The following VPS33A variants were observed in gnomAD, a reference collection of about 807,000 sequenced individuals.
The protein encoded by VPS33A is VPS33A core subunit of CORVET and HOPS complexes, also known as vacuolar protein sorting-associated protein 33A.
VPS33A carries 32 observed loss-of-function variants against 71.8 expected under a neutral mutation model. That is an observed-to-expected ratio of 0.45 (90% CI 0.34 to 0.60). The LOEUF (loss-of-function observed/expected upper bound fraction) is 0.60. VPS33A is among the 20% of genes least tolerant of loss of function. The pLI, the probability that VPS33A is intolerant of heterozygous loss-of-function variation, is 0.02. For synonymous variants in VPS33A, 311 were observed against 292.7 expected, an observed-to-expected ratio of 1.06 and a Z score of -0.64; for missense variants, 625 against 748.5, an observed-to-expected ratio of 0.84 and a Z score of 1.92.
At chr12:122,253,108 T>G (rs1954866496) in intron 4 of VPS33A, 1 of 151,708 alleles carries the variant, frequency 6.6e-6, no homozygotes, top group South Asian at 2.1e-4. Flanking sequence ...TGGGGAGCGT[T>G]TGGTTATTAT....
At position 122,259,588 on chromosome 12, in the gene VPS33A, G is replaced by C. The variant is rs1390911438; in HGVS notation, c.483+1673C>G. On this transcript the variant is annotated intron_variant, in intron 4 of 12. Coordinates refer to ENST00000267199, the MANE Select transcript of VPS33A (RefSeq NM_022916.6). ...ATAAAAACTTTTCACAATATTCACA[G>C]TATCGTGACAGCCAAAAAGTGGAAA... 1.3e-5 allele frequency among the ~76,000 whole-genome samples: 2 copies of C among 152,096 alleles called. 1 individual carries two copies. Among genetic ancestry groups the C allele is most frequent in the African/African-American group, 4.8e-5 (2 of 41,360 alleles).
Position 122,232,861 on chromosome 12 carries a change from G to A in VPS33A, c.1548C>T (p.Arg516=), listed in dbSNP as rs756527543. The part of the protein sequence containing the change: ...PGWRSIEEVL[R]ILPGPHFEER... Reference sequence around the variant, plus strand: ...CCTCAAAGTGGGGCCCTGGGAGGATGCGGAGGACCTCCTCGATGCTCCGCC... The same window carrying A: ...CCTCAAAGTGGGGCCCTGGGAGGATACGGAGGACCTCCTCGATGCTCCGCC... The change falls in exon 12 of 13, where the codon CGC becomes CGT. Residue 516 remains arginine (R), a synonymous_variant. Coordinates refer to ENST00000267199, the MANE Select transcript of VPS33A (RefSeq NM_022916.6). 46 of 1,614,076 alleles carry A rather than the reference G, an allele frequency of 2.8e-5. No individual in the cohort carries two copies. Among genetic ancestry groups the A allele is most frequent in the Non-Finnish European group, 3.9e-5 (46 of 1,180,038 alleles).
In VPS33A at chr12:122,239,894, C is replaced by T. The variant is rs1419557300; in HGVS notation, c.1148G>A (p.Gly383Glu). The T allele has an allele frequency of 1.2e-5, 20 of 1,612,712 alleles. No individual in the cohort carries two copies. The highest frequency in any genetic ancestry group is 1.7e-5 in the Non-Finnish European group (20 of 1,179,554). ...KLTVEQEFMS[G>E]IDTDKVNNYI... is the part of the protein sequence containing the mutation. ...TCCACATACCTTATCAGTGTCTATT[C>T]CAGACATAAACTCCTGTTCCACGGT... The change falls in exon 9 of 13, where the codon GGA becomes GAA. Residue 383 changes from glycine (G) to glutamate (E), a missense_variant. Physicochemically the swap from Gly to Glu is moderately conservative, Grantham distance 98. Transcript: ENST00000267199.
chr12:122,254,081 T>C (rs1180589062), intron 4 of VPS33A, among the ~76,000 whole-genome samples: 1 of 152,180 alleles, frequency 6.6e-6, no homozygotes, highest in Non-Finnish European at 1.5e-5. Flanking sequence ...GCAGGTTTTA[T>C]ATATGCTGAT....
At chr12:122,233,492 T>C (rs929714949) in intron 11 of VPS33A, among the ~76,000 whole-genome samples, 1 of 152,068 alleles carries the variant, frequency 6.6e-6, no homozygotes, top group African/African-American at 2.4e-5. Flanking sequence ...TCCCAAAGTG[T>C]TGGGATTACA....
At position 122,251,035 on chromosome 12, in the gene VPS33A, T is replaced by A; in HGVS notation, c.548A>T (p.Gln183Leu). Residue 183 changes from glutamine (Q) to leucine (L), a missense_variant, in exon 5 of 13, where the codon CAA becomes CTA. By Grantham distance (113) the Gln-to-Leu change is moderately radical. Transcript: ENST00000267199. ...YHAAKGLMTL[Q>L]ALYGTIPQIF... ...CTGGGGGATCGTTCCATACAGAGCT[T>A]GCAGGGTCATCAGCCCCTTGGCTGC... 1.9e-6 allele frequency: 3 copies of A among 1,614,174 alleles called. No individual in the cohort carries two copies. The highest frequency in any genetic ancestry group is 2.5e-6 in the Non-Finnish European group (3 of 1,180,026).
chr12:122,254,877 C>T (rs1215036147), intron 4 of VPS33A, among the ~76,000 whole-genome samples: 1 of 151,782 alleles, frequency 6.6e-6, no homozygotes, highest in Non-Finnish European at 1.5e-5. Flanking sequence ...ATGGTGAAAC[C>T]CTGTCTCTAC....
At chr12:122,232,650 G>A (rs59424497) in intron 12 of VPS33A, 150 bp downstream of exon 12, 10 of 1,107,138 alleles carry the variant, frequency 9.0e-6, no homozygotes, top group East Asian at 5.1e-5. Context: ...AATCCGATTC[G>A]AGTTCTTACT....
rs771631071 is a variant in VPS33A, at chr12:122,266,365, A to C, written c.44T>G (p.Leu15Trp). 4.3e-6 allele frequency: 7 copies of C among 1,613,564 alleles called. No homozygotes were observed. The highest frequency in any genetic ancestry group is 8.5e-7 in the Non-Finnish European group (1 of 1,179,972). Residue 15 changes from leucine to tryptophan, a missense_variant, in exon 1 of 13, where the codon TTG becomes TGG. Transcript: ENST00000267199. ...CAGCTCGCGACGCACCGCCTCGCGCAACACGTTTAGGTTCACTCGGCCGTA... is the reference window on the plus strand; with the variant it reads ...CAGCTCGCGACGCACCGCCTCGCGCCACACGTTTAGGTTCACTCGGCCGTA... ...LSYGRVNLNV[L>W]REAVRRELRE...
intron 8 of VPS33A, chr12:122,241,128 C>G (rs1009286155): frequency 6.1e-5 from 9 of 146,496 alleles, no homozygotes; most frequent in Non-Finnish European, 1.2e-4. Flanking sequence ...GAGTGAAACT[C>G]CGTCTCAAAA....
rs116744755 is a variant in VPS33A at position 122,245,415 on chromosome 12, T to C, written c.776-653A>G. 4.4e-3 allele frequency among the ~76,000 whole-genome samples: 669 copies of C among 151,900 alleles called. 4 individuals are homozygous for C. Among genetic ancestry groups the C allele is most frequent in the African/African-American group, 0.015 (604 of 41,460 alleles). On this transcript the variant is annotated intron_variant, in intron 6 of 12. Transcript: ENST00000267199. Reference sequence around the variant, plus strand: ...CTAGAACAAGAATTAGAAACTACGGTCTGAGGACCAAACTCTGTTCACGTT... The same window carrying C: ...CTAGAACAAGAATTAGAAACTACGGCCTGAGGACCAAACTCTGTTCACGTT...
Position 122,230,635 on chromosome 12 carries a change from A to C in VPS33A, c.*1611T>G, listed in dbSNP as rs1342964952. On this transcript the variant is annotated 3_prime_UTR_variant, in exon 13 of 13. Transcript: ENST00000267199. The stretch of plus-strand genomic sequence containing the variant: ...CTCCACTAATGAAAAAGGTGGGGAA[A>C]AACAATGTGTGGTTACTAATCAACA... 3 of 152,256 alleles carry C rather than the reference A, an allele frequency of 2.0e-5. No individual in the cohort carries two copies. The highest frequency in any genetic ancestry group is 4.4e-5 in the Non-Finnish European group (3 of 68,072). The allele number at this position is 152,256 out of a possible 1,614,324, so 9.4% of individuals were successfully genotyped here.
intron 3 of VPS33A, 24 bp from the exon 4 acceptor site, chr12:122,261,471 A>G (rs1410763422): frequency 6.2e-7 from 1 of 1,611,010 alleles, no homozygotes; most frequent in Non-Finnish European, 8.5e-7. Flanking sequence ...AACATTTGTT[A>G]GCTTATGAGC....
intron 8 of VPS33A, among the ~76,000 whole-genome samples, chr12:122,241,969 G>A (rs955487669): frequency 2.6e-5 from 4 of 151,994 alleles, no homozygotes; most frequent in Admixed American, 6.6e-5. Context: ...GTGCAGTGGC[G>A]TGATGTCGGC....
intron 1 of VPS33A, 39 bp downstream of exon 1, chr12:122,266,268 G>T (rs1341276001): frequency 6.2e-7 from 1 of 1,601,756 alleles, no homozygotes; most frequent in Non-Finnish European, 8.5e-7. Flanking sequence ...GGCCGGACCA[G>T]GGGAGGCGAG....
intron 4 of VPS33A, among the ~76,000 whole-genome samples, chr12:122,256,062 C>A (rs1268060984): frequency 2.0e-5 from 3 of 152,120 alleles, no homozygotes; most frequent in African/African-American, 7.2e-5. Flanking sequence ...TCCCAAAGTG[C>A]TGGGATTACG....
At chr12:122,247,869 CTTTT>C (rs1385491566) in intron 6 of VPS33A, among the ~76,000 whole-genome samples, 1 of 152,034 alleles carries the variant, frequency 6.6e-6, no homozygotes, top group Non-Finnish European at 1.5e-5. Context: ...TCCTTTCTTT[CTTTT>C]TAAATATTTA....
intron 10 of VPS33A, 33 bp downstream of exon 10, chr12:122,238,554 C>T: frequency 6.3e-7 from 1 of 1,592,270 alleles, no homozygotes; most frequent in Non-Finnish European, 8.5e-7. Context: ...TGCTGTCCCC[C>T]TTGGCAAATT....
In VPS33A at chr12:122,265,121, T is replaced by C. The variant is rs200174830; in HGVS notation, c.103-922A>G. Among the ~76,000 whole-genome samples, 115 of 152,142 alleles carry C rather than the reference T, an allele frequency of 7.6e-4. 2 individuals carry two copies. In the East Asian group the frequency reaches 0.02, roughly 26 times the overall value. On this transcript the variant is annotated intron_variant, in intron 1 of 12. Coordinates refer to ENST00000267199, the MANE Select transcript of VPS33A (RefSeq NM_022916.6). ...TTTTAGTAGAGATGAGATTTTGCCA[T>C]GTCACCCAGGCTGGTCTCCAACTCT... is the stretch of plus-strand genomic sequence containing the variant.
Sources: gnomAD v4.1 joint callset for allele counts (sites outside exome capture counted in the v4.1 genomes callset) on GRCh38, gnomAD v4.1.1 for gene constraint, MANE v1.5 for transcripts, NCBI Gene and HGNC (gene_info 2026-07-23, HGNC 2026-07-21) for gene names.